The following HMGN4 variants were observed in gnomAD, a reference collection of about 807,000 sequenced individuals.
The protein encoded by HMGN4 is high mobility group nucleosome-binding domain-containing protein 4.
For synonymous variants in HMGN4, 39 were observed against 39.1 expected, an observed-to-expected ratio of 1.00 and a Z score of 0.01; for missense variants, 69 against 104.9, an observed-to-expected ratio of 0.66 and a Z score of 1.49.
chr6:26,544,278 T>C (rs1468553962), intron 1 of HMGN4, among the ~76,000 whole-genome samples: 1 of 152,220 alleles, frequency 6.6e-6, no homozygotes, highest in Non-Finnish European at 1.5e-5. Flanking sequence ...TACTATATGT[T>C]TGTGGCCTCA....
At chr6:26,541,962 A>G (rs1481250115) in intron 1 of HMGN4, among the ~76,000 whole-genome samples, 1 of 152,222 alleles carries the variant, frequency 6.6e-6, no homozygotes, top group Non-Finnish European at 1.5e-5. Context: ...AACTTTTAAA[A>G]TTGTTGCCAT....
At chr6:26,539,314 A>G (rs1399125948) in intron 1 of HMGN4, among the ~76,000 whole-genome samples, 1 of 152,110 alleles carries the variant, frequency 6.6e-6, no homozygotes, top group Non-Finnish European at 1.5e-5. Context: ...ACGGAGTCTC[A>G]CTCTGTTGTC....
chr6:26,544,160 TC>T (rs1350060762), intron 1 of HMGN4, among the ~76,000 whole-genome samples: 3 of 152,032 alleles, frequency 2.0e-5, no homozygotes, highest in Admixed American at 6.6e-5. Context: ...GAATGCAACC[TC>T]CCCCATCTCT....
In HMGN4 at chr6:26,545,431, C is replaced by G; in HGVS notation, c.225C>G (p.Ala75=). ...DGNNPAKNRD[A]STLQSQKAEG... is the part of the protein sequence containing the mutation. ...ACAACCCTGCAAAAAACCGAGATGC[C>G]TCTACACTCCAGTCCCAGAAAGCGG... The change falls in exon 2 of 2, where the codon GCC becomes GCG. Residue 75 remains alanine (A), a synonymous_variant. Transcript: ENST00000377575. 1 of 1,602,796 alleles carries G rather than the reference C, an allele frequency of 6.2e-7. No individual in the cohort carries two copies. Among genetic ancestry groups the G allele is most frequent in the Non-Finnish European group, 8.5e-7 (1 of 1,175,718 alleles).
Position 26,542,118 on chromosome 6 carries a change from G to A in HMGN4, c.-80-3009G>A, listed in dbSNP as rs1039659465. On this transcript the variant is annotated intron_variant, in intron 1 of 1. Coordinates refer to ENST00000377575, the MANE Select transcript of HMGN4 (RefSeq NM_006353.3). The surrounding 1 kb of genome is among the most constrained non-coding windows in gnomAD (Gnocchi z 4.6). ...TAATAATTTTTCTTTTCTTCCACAT[G>A]CATGAAGGAGTATTTGTAATGACTT... is the stretch of plus-strand genomic sequence containing the variant. Among the ~76,000 whole-genome samples the A allele has an allele frequency of 7.9e-5, 12 of 152,040 alleles. No individual in the cohort carries two copies. Among genetic ancestry groups the A allele is most frequent in the African/African-American group, 2.9e-4 (12 of 41,406 alleles).
chr6:26,544,384 C>T (rs540159624), intron 1 of HMGN4, among the ~76,000 whole-genome samples: 3 of 152,254 alleles, frequency 2.0e-5, no homozygotes, highest in Non-Finnish European at 4.4e-5. Context: ...TGAGATTCAT[C>T]CTCGTTTTTG....
At chr6:26,544,176 T>C (rs911589936) in intron 1 of HMGN4, among the ~76,000 whole-genome samples, 4 of 152,178 alleles carry the variant, frequency 2.6e-5, no homozygotes, top group African/African-American at 9.7e-5. Flanking sequence ...ATCTCTGGAC[T>C]AACCTCCATG....
At chr6:26,541,805 T>C (rs1423281623) in intron 1 of HMGN4, among the ~76,000 whole-genome samples, 1 of 152,114 alleles carries the variant, frequency 6.6e-6, no homozygotes, top group East Asian at 1.9e-4. Flanking sequence ...AAATGAGGAG[T>C]TAAATTGAGA....
chr6:26,541,363 A>T (rs1408364177), intron 1 of HMGN4, among the ~76,000 whole-genome samples: 1 of 152,118 alleles, frequency 6.6e-6, no homozygotes, highest in African/African-American at 2.4e-5. Flanking sequence ...GTTCCCTCCT[A>T]TGTTAGTCCG....
chr6:26,544,752 T>C (rs1343720077), intron 1 of HMGN4, among the ~76,000 whole-genome samples: 1 of 152,180 alleles, frequency 6.6e-6, no homozygotes, highest in Non-Finnish European at 1.5e-5. Context: ...GACAACTTGG[T>C]TTTCCTCAGT....
chr6:26,540,996 G>C (rs1764281675), intron 1 of HMGN4, among the ~76,000 whole-genome samples: 1 of 152,188 alleles, frequency 6.6e-6, no homozygotes, highest in South Asian at 2.1e-4. Flanking sequence ...TATATTTTGA[G>C]AGCTGGGTGA....
intron 1 of HMGN4, among the ~76,000 whole-genome samples, chr6:26,541,392 G>A (rs898388950): frequency 6.6e-6 from 1 of 152,184 alleles, no homozygotes; most frequent in Non-Finnish European, 1.5e-5. Context: ...GCCGAAACAA[G>A]GTACCACAGG....
chr6:26,545,128 C>A lies in HMGN4; in HGVS notation c.-79C>A. 1 of 1,251,124 alleles carries A rather than the reference C, an allele frequency of 8.0e-7. No individual in the cohort carries two copies. The highest frequency in any genetic ancestry group is 1.1e-6 in the Non-Finnish European group (1 of 931,358). 77.5% of individuals were successfully genotyped at this position (1,251,124 alleles called of 1,614,324 possible). On this transcript the variant is annotated splice_region_variant and 5_prime_UTR_variant, in exon 2 of 2. Transcript: ENST00000377575. Reference sequence around the variant, plus strand: ...TACGCTTTTTGTGTCTTGTTAAAGACATCTTTCCAGGAACAGCGTGAGGAG... The same window carrying A: ...TACGCTTTTTGTGTCTTGTTAAAGAAATCTTTCCAGGAACAGCGTGAGGAG...
chr6:26,545,612 T>A lies in HMGN4; in HGVS notation c.*133T>A. 1 of 663,470 alleles carries A rather than the reference T, an allele frequency of 1.5e-6. No homozygotes were observed. The highest frequency in any genetic ancestry group is 3.2e-5 in the East Asian group (1 of 31,050). The allele number at this position is 663,470 out of a possible 1,614,324, so 41.1% of individuals were successfully genotyped here. On this transcript the variant is annotated 3_prime_UTR_variant, in exon 2 of 2. Coordinates refer to ENST00000377575, the MANE Select transcript of HMGN4 (RefSeq NM_006353.3). ...TGTTGTTAGCACACAGGACACTTCCTTGTTGTCTTTTGTGGAAAGGGCAAG... is the reference window on the plus strand; with the variant it reads ...TGTTGTTAGCACACAGGACACTTCCATGTTGTCTTTTGTGGAAAGGGCAAG...
At chr6:26,539,522 C>G (rs1277711271) in intron 1 of HMGN4, among the ~76,000 whole-genome samples, 1 of 151,718 alleles carries the variant, frequency 6.6e-6, no homozygotes, top group East Asian at 1.9e-4. Flanking sequence ...CCGCCCGCCT[C>G]GGCCTCCCAA....
rs1764299651 is a variant in HMGN4, at chr6:26,542,482, AG to A, written c.-80-2644del. Among the ~76,000 whole-genome samples, 1 of 152,244 alleles carries A rather than the reference AG, an allele frequency of 6.6e-6. No individual in the cohort carries two copies. ...ATTTTATAATATATGCCATTACAGTAGCATACAAAAGAGTTTCATTTACCTA... is the reference window on the plus strand; with the variant it reads ...ATTTTATAATATATGCCATTACAGTACATACAAAAGAGTTTCATTTACCTA... On this transcript the variant is annotated intron_variant, in intron 1 of 1. Coordinates refer to ENST00000377575, the MANE Select transcript of HMGN4 (RefSeq NM_006353.3). The surrounding 1 kb of genome is among the most constrained non-coding windows in gnomAD (Gnocchi z 4.6).
At chr6:26,540,390 A>C (rs957297627) in intron 1 of HMGN4, among the ~76,000 whole-genome samples, 30 of 149,986 alleles carry the variant, frequency 2.0e-4, no homozygotes, top group Non-Finnish European at 3.0e-4. Context: ...GCTGGAGTGC[A>C]GTGGCACAAT....
rs948508894 is a variant in HMGN4 at position 26,546,469 on chromosome 6, G to C, written c.*990G>C. Among the ~76,000 whole-genome samples the C allele has an allele frequency of 6.6e-6, 1 of 152,170 alleles. No homozygotes were observed. Among genetic ancestry groups the C allele is most frequent in the Admixed American group, 6.5e-5 (1 of 15,280 alleles). On this transcript the variant is annotated 3_prime_UTR_variant, in exon 2 of 2. Coordinates refer to ENST00000377575, the MANE Select transcript of HMGN4 (RefSeq NM_006353.3). ...CCTTTCCCCAGTGATTTGTAACACT[G>C]CCTCTTTCATAAATTAAATTTTTGT...
chr6:26,542,877 C>T lies in HMGN4; in HGVS notation c.-80-2250C>T, dbSNP rs965133074. Among the ~76,000 whole-genome samples the T allele has an allele frequency of 6.6e-6, 1 of 152,184 alleles. No individual in the cohort carries two copies. The highest frequency in any genetic ancestry group is 2.4e-5 in the African/African-American group (1 of 41,420). ...CTACTTCGGATGGACTTCAATGGAT[C>T]TAACTCGAAGAAGACTGAACCCAGG... On this transcript the variant is annotated intron_variant, in intron 1 of 1. Coordinates refer to ENST00000377575, the MANE Select transcript of HMGN4 (RefSeq NM_006353.3). The surrounding 1 kb of genome is among the most constrained non-coding windows in gnomAD (Gnocchi z 4.6).
Sources: gnomAD v4.1 joint callset for allele counts (sites outside exome capture counted in the v4.1 genomes callset) on GRCh38, gnomAD v4.1.1 for gene constraint, Gnocchi (gnomAD v3.1) non-coding constraint, MANE v1.5 for transcripts, NCBI Gene and HGNC (gene_info 2026-07-23, HGNC 2026-07-21) for gene names.